ABCB9: variants seen among roughly 807,000 people sequenced by gnomAD.
ABCB9 encodes ABC-type oligopeptide transporter ABCB9.
Under a neutral mutation model 62.0 loss-of-function variants are expected in ABCB9, and 36 were observed. The observed-to-expected ratio is 0.58, with a 90% confidence interval of 0.45 to 0.77. The LOEUF (loss-of-function observed/expected upper bound fraction) is 0.77. Ranked by LOEUF, ABCB9 falls within the 30% of genes least tolerant of loss-of-function variation. The probability of loss-of-function intolerance (pLI) is 0.00; values close to 1 mark genes in which losing one functional copy is unlikely to be tolerated. For synonymous variants in ABCB9, 435 were observed against 461.4 expected, an observed-to-expected ratio of 0.94 and a Z score of 0.73; for missense variants, 943 against 1,054.7, an observed-to-expected ratio of 0.89 and a Z score of 1.47.
chr12:122,946,201 T>C lies in ABCB9; in HGVS notation c.1075A>G (p.Asn359Asp). Residue 359 changes from asparagine (N) to aspartate (D), a missense_variant, in exon 6 of 12, where the codon AAT becomes GAT. Transcript: ENST00000280560. ...YYKRLSKEVQNALARASNTAE... is the reference protein window; with the variant it reads ...YYKRLSKEVQDALARASNTAE... ...GTGTTGCTCGCTCTGGCCAGGGCAT[T>C]CTGGACCTCTTTGGAGAGCCTCTAT... The C allele has an allele frequency of 6.2e-7, 1 of 1,614,148 alleles. No individual in the cohort carries two copies. The highest frequency in any genetic ancestry group is 8.5e-7 in the Non-Finnish European group (1 of 1,180,022).
At chr12:122,950,410 T>A in intron 3 of ABCB9, 41 bp downstream of exon 3, 1 of 1,553,564 alleles carries the variant, frequency 6.4e-7, no homozygotes, top group Non-Finnish European at 8.7e-7. Flanking sequence ...CTGGTGCAGG[T>A]CGGGGTGTGC....
intron 2 of ABCB9, among the ~76,000 whole-genome samples, chr12:122,957,664 C>CTT (rs754788374): frequency 2.6e-5 from 3 of 113,982 alleles, no homozygotes; most frequent in African/African-American, 6.4e-5. Context: ...ATATTAATAT[C>CTT]TTTTTTTTTT....
chr12:122,948,613 G>T lies in ABCB9; in HGVS notation c.1053+11C>A. ...GGTGCACAGTCCCCAGCAGAGACAG[G>T]GCAGGCCTACCTTGTAGTACTTGCC... On this transcript the variant is annotated intron_variant, in intron 5 of 11. Coordinates refer to ENST00000280560, the MANE Select transcript of ABCB9 (RefSeq NM_019625.4). 1 of 1,604,192 alleles carries T rather than the reference G, an allele frequency of 6.2e-7. No homozygotes were observed. Among genetic ancestry groups the T allele is most frequent in the South Asian group, 1.1e-5 (1 of 89,634 alleles).
At chr12:122,948,551 CT>C (rs2036172322) in intron 5 of ABCB9, 72 bp downstream of exon 5, 5 of 1,416,282 alleles carry the variant, frequency 3.5e-6, no homozygotes, top group Non-Finnish European at 4.7e-6. Flanking sequence ...TAGTGGCCCC[CT>C]GAGCCCCTCC....
Position 122,929,308 on chromosome 12 carries a change from T to G in ABCB9, c.*603A>C. The G allele has an allele frequency of 1.0e-6, 1 of 985,932 alleles. No individual in the cohort carries two copies. Among genetic ancestry groups the G allele is most frequent in the Non-Finnish European group, 1.2e-6 (1 of 830,014 alleles). The allele number at this position is 985,932 out of a possible 1,614,324, so 61.1% of individuals were successfully genotyped here. On this transcript the variant is annotated 3_prime_UTR_variant, in exon 12 of 12. Transcript: ENST00000280560. This position sits in a 1 kb window ranked among gnomAD's most constrained non-coding sequence, Gnocchi z 6.0. ...TCGTGTGGTTCACAGTGAGACTGGCTTAGATTGGCAGCGGGCGATGGCAGA... is the reference window on the plus strand; with the variant it reads ...TCGTGTGGTTCACAGTGAGACTGGCGTAGATTGGCAGCGGGCGATGGCAGA...
chr12:122,949,083 C>G (rs192091582), intron 4 of ABCB9: 1 of 338,488 alleles, frequency 3.0e-6, no homozygotes, highest in Non-Finnish European at 5.4e-6. Flanking sequence ...AACAGGAAGG[C>G]CCCCGTAGAG....
intron 9 of ABCB9, among the ~76,000 whole-genome samples, chr12:122,938,439 G>C (rs921429958): frequency 6.6e-6 from 1 of 152,178 alleles, no homozygotes; most frequent in Non-Finnish European, 1.5e-5. Context: ...GGCTGAGGTG[G>C]GAGGATGACT....
chr12:122,945,354 G>A (rs2135831268), intron 6 of ABCB9, among the ~76,000 whole-genome samples: 1 of 152,248 alleles, frequency 6.6e-6, no homozygotes, highest in East Asian at 1.9e-4. Flanking sequence ...GTGTAGCAGT[G>A]ACATGATCCA....
At chr12:122,960,354 G>T in intron 1 of ABCB9, 32 bp from the exon 2 acceptor site, 1 of 1,399,104 alleles carries the variant, frequency 7.1e-7, no homozygotes. Context: ...TCAGCACAAG[G>T]GGTTCAGGTT....
In ABCB9 at chr12:122,944,478, C is replaced by G. The variant is rs1271091012; in HGVS notation, c.1293G>C (p.Gly431=). The change falls in exon 7 of 12, where the codon GGG becomes GGC. Residue 431 remains glycine, a synonymous_variant. Coordinates refer to ENST00000280560, the MANE Select transcript of ABCB9 (RefSeq NM_019625.4). This position sits in a 1 kb window ranked among gnomAD's most constrained non-coding sequence, Gnocchi z 4.9. ...LVVQVSILYY[G]GHLVISGQMT... is the part of the protein sequence containing the mutation. ...TCTGGCCTGAGATGACAAGGTGGCC[C>G]CCGTAGTAGAGGATGCTGACCTGGA... 8.1e-6 allele frequency: 13 copies of G among 1,613,896 alleles called. No homozygotes were observed. Among genetic ancestry groups the G allele is most frequent in the Non-Finnish European group, 1.1e-5 (13 of 1,179,982 alleles).
Position 122,959,682 on chromosome 12 carries a change from A to T in ABCB9, c.554T>A (p.Val185Glu), listed in dbSNP as rs759728980. Residue 185 changes from valine to glutamate, a missense_variant, in exon 2 of 12, where the codon GTG becomes GAG. Physicochemically the swap from Val to Glu is moderately radical, Grantham distance 121 (BLOSUM62 -2). Transcript: ENST00000280560. The surrounding 1 kb of genome is among the most constrained non-coding windows in gnomAD (Gnocchi z 5.4). The part of the protein sequence containing the change: ...QKLLSYTKPD[V>E]AFLVAASFFL... ...GAAGGAGGCGGCCACGAGGAAGGCC[A>T]CGTCGGGCTTGGTGTAGGAGAGCAG... The T allele has an allele frequency of 1.3e-6, 2 of 1,590,238 alleles. No homozygotes were observed. The highest frequency in any genetic ancestry group is 1.7e-4 in the Middle Eastern group (1 of 5,980).
chr12:122,941,005 G>C lies in ABCB9; in HGVS notation c.1381-10C>G, dbSNP rs745445212. 17 of 1,581,016 alleles carry C rather than the reference G, an allele frequency of 1.1e-5. No individual in the cohort carries two copies. The South Asian group carries it at 1.9e-4, about 18-fold the overall frequency. On this transcript the variant is annotated splice_polypyrimidine_tract_variant and intron_variant, in intron 7 of 11. Coordinates refer to ENST00000280560, the MANE Select transcript of ABCB9 (RefSeq NM_019625.4). ...AGACGGAGCCCACGGACTGGGGAGA[G>C]GAGACACGCGTTCCTGTCCCACCGA... is the stretch of plus-strand genomic sequence containing the variant.
chr12:122,961,486 G>A (rs1354459364), intron 1 of ABCB9, among the ~76,000 whole-genome samples: 1 of 152,106 alleles, frequency 6.6e-6, no homozygotes, highest in Admixed American at 6.6e-5. Flanking sequence ...GCCACTGTGC[G>A]GGGCCAGAGA....
chr12:122,968,164 A>C (rs912969302), upstream of ABCB9, among the ~76,000 whole-genome samples: 2 of 152,224 alleles, frequency 1.3e-5, no homozygotes, highest in African/African-American at 4.8e-5. Flanking sequence ...ATAAAGTTGA[A>C]CCATGTTACT....
At chr12:122,942,748 G>A (rs556860985) in intron 7 of ABCB9, among the ~76,000 whole-genome samples, 1 of 152,092 alleles carries the variant, frequency 6.6e-6, no homozygotes, top group Admixed American at 6.5e-5. Context: ...AGGCTGCAGT[G>A]AGTCATGAAA....
chr12:122,959,693 G>T lies in ABCB9; in HGVS notation c.543C>A (p.Thr181=). The T allele has an allele frequency of 6.3e-7, 1 of 1,598,078 alleles. No homozygotes were observed. Among genetic ancestry groups the T allele is most frequent in the Non-Finnish European group, 8.6e-7 (1 of 1,167,940 alleles). ...CCACGAGGAAGGCCACGTCGGGCTT[G>T]GTGTAGGAGAGCAGCTTCTGCAGCG... ...GATLQKLLSY[T]KPDVAFLVAA... Residue 181 remains threonine, a synonymous_variant, in exon 2 of 12, where the codon ACC becomes ACA. Coordinates refer to ENST00000280560, the MANE Select transcript of ABCB9 (RefSeq NM_019625.4). This position sits in a 1 kb window ranked among gnomAD's most constrained non-coding sequence, Gnocchi z 5.4.
rs2035242159 is a variant in ABCB9, at chr12:122,932,629, G to A, written c.1904-301C>T. On this transcript the variant is annotated intron_variant, in intron 10 of 11. Transcript: ENST00000280560. This position sits in a 1 kb window ranked among gnomAD's most constrained non-coding sequence, Gnocchi z 4.7. ...GCCCTCACCCGTCCTCCTGGAGAAG[G>A]GGAGTTGGAGCGAGCCCCATGGCTT... Among the ~76,000 whole-genome samples the A allele has an allele frequency of 6.6e-6, 1 of 152,230 alleles. No homozygotes were observed. The highest frequency in any genetic ancestry group is 2.4e-5 in the African/African-American group (1 of 41,456).
upstream of ABCB9, among the ~76,000 whole-genome samples, chr12:122,970,639 T>C (rs1160605688): frequency 6.6e-6 from 1 of 152,318 alleles, no homozygotes; most frequent in African/African-American, 2.4e-5. Flanking sequence ...CTGATCACTA[T>C]GCATTATATG....
At position 122,932,123 on chromosome 12, in the gene ABCB9, TG is replaced by T. The variant is rs1160470290; in HGVS notation, c.2040+68del. 1 of 1,548,704 alleles carries T rather than the reference TG, an allele frequency of 6.5e-7. No homozygotes were observed. Among genetic ancestry groups the T allele is most frequent in the South Asian group, 1.2e-5 (1 of 83,976 alleles). On this transcript the variant is annotated intron_variant, in intron 11 of 11. Coordinates refer to ENST00000280560, the MANE Select transcript of ABCB9 (RefSeq NM_019625.4). The surrounding 1 kb of genome is among the most constrained non-coding windows in gnomAD (Gnocchi z 4.7). ...CCGTCTCTTCTCAGCATCCATCTGC[TG>T]GGCGATGGGGGCTCTGGCCACCTGG...
Sources: gnomAD v4.1 joint callset for allele counts (sites outside exome capture counted in the v4.1 genomes callset) on GRCh38, gnomAD v4.1.1 for gene constraint, Gnocchi (gnomAD v3.1) non-coding constraint, MANE v1.5 for transcripts, NCBI Gene and HGNC (gene_info 2026-07-23, HGNC 2026-07-21) for gene names.